The following PSMA8 variants were observed in gnomAD, a reference collection of about 807,000 sequenced individuals.
PSMA8 encodes proteasome subunit alpha-type 8.
PSMA8 carries 18 observed loss-of-function variants against 32.4 expected under a neutral mutation model. The observed-to-expected ratio is 0.56, with a 90% CI of 0.38 to 0.82. PSMA8 has a LOEUF of 0.82. Ranked by LOEUF, PSMA8 falls within the 40% of genes least tolerant of loss-of-function variation. The pLI, the probability that PSMA8 is intolerant of heterozygous loss-of-function variation, is 0.00. For missense variants in PSMA8, 298 were observed against 300.7 expected, an observed-to-expected ratio of 0.99 and a Z score of 0.07; for synonymous variants, 104 against 98.1, an observed-to-expected ratio of 1.06 and a Z score of -0.36.
In PSMA8 at chr18:26,144,668, T is replaced by G; in HGVS notation, c.212T>G (p.Val71Gly). 2 of 1,613,958 alleles carry G rather than the reference T, an allele frequency of 1.2e-6. No individual in the cohort carries two copies. Among genetic ancestry groups the G allele is most frequent in the Non-Finnish European group, 8.5e-7 (1 of 1,179,892 alleles). ...VRKICALDDH[V>G]CMAFAGLTAD... Reference sequence around the variant, plus strand: ...AAAATTTGTGCCCTTGATGACCATGTCTGCATGGCTTTTGCAGGTACTTAA... The same window carrying G: ...AAAATTTGTGCCCTTGATGACCATGGCTGCATGGCTTTTGCAGGTACTTAA... The change falls in exon 2 of 7, where the codon GTC becomes GGC. Residue 71 changes from valine (V) to glycine (G), a missense_variant. Transcript: ENST00000415576.
At chr18:26,177,113 G>A (rs914288167) in intron 4 of PSMA8, among the ~76,000 whole-genome samples, 6 of 152,132 alleles carry the variant, frequency 3.9e-5, no homozygotes, top group Non-Finnish European at 7.3e-5. Flanking sequence ...TCAGACCACG[G>A]TTTCAAAGCT....
intron 3 of PSMA8, 98 bp from the exon 4 acceptor site, chr18:26,158,024 A>G: frequency 1.3e-6 from 1 of 769,638 alleles, no homozygotes; most frequent in South Asian, 2.0e-5. Context: ...TCGAATAAGA[A>G]TTAGGGAAGT....
intron 3 of PSMA8, among the ~76,000 whole-genome samples, chr18:26,155,522 A>C (rs986358729): frequency 6.6e-6 from 1 of 152,240 alleles, no homozygotes; most frequent in Non-Finnish European, 1.5e-5. Context: ...ACTGATTTTC[A>C]GCAGAAATGT....
At chr18:26,156,946 C>G (rs1355368071) in intron 3 of PSMA8, among the ~76,000 whole-genome samples, 1 of 150,840 alleles carries the variant, frequency 6.6e-6, no homozygotes, top group African/African-American at 2.4e-5. Context: ...ACCACCATGC[C>G]TGGCTAATTT....
intron 2 of PSMA8, among the ~76,000 whole-genome samples, chr18:26,148,830 C>A (rs961821738): frequency 2.0e-5 from 3 of 152,066 alleles, no homozygotes; most frequent in Non-Finnish European, 4.4e-5. Flanking sequence ...AAAATCAACA[C>A]CCCGGAGTAA....
At chr18:26,160,148 T>G (rs1187104720) in intron 4 of PSMA8, among the ~76,000 whole-genome samples, 3 of 152,008 alleles carry the variant, frequency 2.0e-5, no homozygotes, top group Non-Finnish European at 4.4e-5. Context: ...CAAAAACAAT[T>G]TAAATCTTAG....
intron 4 of PSMA8, among the ~76,000 whole-genome samples, chr18:26,175,803 G>A (rs80136982): frequency 6.6e-6 from 1 of 152,134 alleles, no homozygotes; most frequent in East Asian, 1.9e-4. Context: ...GCTGGTATTT[G>A]TCTCTTTTAG....
At chr18:26,166,529 G>T (rs560932381) in intron 4 of PSMA8, among the ~76,000 whole-genome samples, 79 of 152,240 alleles carry the variant, frequency 5.2e-4, no homozygotes, top group Non-Finnish European at 9.1e-4. Flanking sequence ...ATTAAATCTT[G>T]ACTCAGGTAT....
In PSMA8 at chr18:26,148,188, CA is replaced by C. The variant is rs564139820; in HGVS notation, c.229+3504del. Among the ~76,000 whole-genome samples the C allele has an allele frequency of 4.7e-4, 71 of 152,128 alleles. 3 individuals carry two copies. The South Asian group carries it at 0.014, about 30-fold the overall frequency. ...GTTTAATCTATAAGACCAATATTAA[CA>C]TAATGCCAAAGCCAAAGACATTACA... On this transcript the variant is annotated intron_variant, in intron 2 of 6. Coordinates refer to ENST00000415576, the MANE Select transcript of PSMA8 (RefSeq NM_001025096.2).
intron 6 of PSMA8, among the ~76,000 whole-genome samples, chr18:26,183,948 A>G (rs1178533932): frequency 2.0e-5 from 3 of 150,688 alleles, no homozygotes; most frequent in Non-Finnish European, 3.0e-5. Context: ...ACAAGACCCC[A>G]CCAGCAAAAA....
intron 4 of PSMA8, among the ~76,000 whole-genome samples, chr18:26,159,350 T>C (rs10048370): frequency 0.26 from 39,159 of 151,948 alleles, 8,939 homozygotes; most frequent in African/African-American, 0.61. Flanking sequence ...ATACTTATGT[T>C]AGTGGCACAT....
At chr18:26,173,304 C>T (rs191056518) in intron 4 of PSMA8, among the ~76,000 whole-genome samples, 9 of 152,222 alleles carry the variant, frequency 5.9e-5, no homozygotes, top group African/African-American at 1.9e-4. Context: ...TTTGTTCTTC[C>T]TTATTGTTTC....
intron 6 of PSMA8, among the ~76,000 whole-genome samples, chr18:26,182,085 A>G (rs2055316751): frequency 6.6e-6 from 1 of 152,204 alleles, no homozygotes; most frequent in Non-Finnish European, 1.5e-5. Flanking sequence ...AGGAAGCGGA[A>G]GAAGAAAAGG....
chr18:26,149,764 T>A (rs2055030758), intron 2 of PSMA8, among the ~76,000 whole-genome samples: 1 of 152,020 alleles, frequency 6.6e-6, no homozygotes, highest in Non-Finnish European at 1.5e-5. Flanking sequence ...CTACCTAACA[T>A]CACATACAAA....
chr18:26,190,023 T>C (rs1377284316), intron 6 of PSMA8, among the ~76,000 whole-genome samples: 1 of 152,176 alleles, frequency 6.6e-6, no homozygotes, highest in South Asian at 2.1e-4. Context: ...GAGATCATTA[T>C]GTTAAATAAG....
chr18:26,186,210 C>T (rs563698021), intron 6 of PSMA8, among the ~76,000 whole-genome samples: 4 of 135,118 alleles, frequency 3.0e-5, no homozygotes, highest in Admixed American at 1.7e-4. Context: ...GATCACGCCA[C>T]TGCACTCTAG....
chr18:26,176,224 G>A (rs113603213), intron 4 of PSMA8, among the ~76,000 whole-genome samples: 187 of 152,228 alleles, frequency 1.2e-3, no homozygotes, highest in Admixed American at 2.2e-3. Context: ...ATTAAGAATT[G>A]GAAGAAGTGG....
chr18:26,169,329 G>T (rs1321663776), intron 4 of PSMA8, among the ~76,000 whole-genome samples: 1 of 134,162 alleles, frequency 7.5e-6, no homozygotes, highest in Non-Finnish European at 1.5e-5. Context: ...AACTCCGTGG[G>T]CCCAAAACCA....
intron 1 of PSMA8, among the ~76,000 whole-genome samples, chr18:26,134,328 G>GGT (rs1473190847): frequency 1.3e-5 from 2 of 149,534 alleles, no homozygotes; most frequent in Admixed American, 6.7e-5. Context: ...GCAAAACTAG[G>GGT]GTGTGTGTGT....
Sources: allele counts gnomAD v4.1 joint callset (sites outside exome capture counted in the v4.1 genomes callset), GRCh38; gene constraint gnomAD v4.1.1; transcripts MANE v1.5; gene names NCBI Gene and HGNC (gene_info 2026-07-23, HGNC 2026-07-21).